RPS6KC1: variants seen among roughly 807,000 people sequenced by gnomAD.
RPS6KC1 encodes ribosomal protein S6 kinase C1.
A neutral mutation model predicts 103.8 loss-of-function variants in RPS6KC1; 54 were observed. The observed-to-expected ratio is 0.52, with a 90% CI of 0.42 to 0.65. The LOEUF is 0.65. Among genes scored for constraint, RPS6KC1 ranks in the 30% least tolerant of loss-of-function variants. RPS6KC1 has a pLI of 0.00. For missense variants in RPS6KC1, 1,151 were observed against 1,253.8 expected, an observed-to-expected ratio of 0.92 and a Z score of 1.24; for synonymous variants, 439 against 438.7, an observed-to-expected ratio of 1.00 and a Z score of -0.01.
At chr1:213,580,745 C>G in the RPS6KC1 span, among the ~76,000 whole-genome samples, 8 of 151,168 alleles carry the variant, frequency 5.3e-5, no homozygotes, top group Non-Finnish European at 1.2e-4. Context: ...TTGGTAAAGG[C>G]TGAGATGATT....
At chr1:213,733,588 A>G in the RPS6KC1 span, among the ~76,000 whole-genome samples, 144 of 140,984 alleles carry the variant, frequency 1.0e-3, 1 homozygote, top group African/African-American at 3.7e-3. Context: ...ACTATTTTGC[A>G]TACTAATTGA....
chr1:213,422,814 A>G, the RPS6KC1 span, among the ~76,000 whole-genome samples: 1 of 152,242 alleles, frequency 6.6e-6, no homozygotes, highest in South Asian at 2.1e-4. Context: ...TACACCTGCA[A>G]GGATTCAACC....
At chr1:213,557,989 C>A in the RPS6KC1 span, among the ~76,000 whole-genome samples, 3 of 152,176 alleles carry the variant, frequency 2.0e-5, no homozygotes, top group Admixed American at 2.0e-4. Flanking sequence ...AGAAGGAAAA[C>A]TTTCTAGAAG....
At chr1:213,244,274 T>C (rs1200968524) in intron 12 of RPS6KC1, among the ~76,000 whole-genome samples, 2 of 152,044 alleles carry the variant, frequency 1.3e-5, no homozygotes, top group African/African-American at 4.8e-5. Context: ...TACTTAGAAA[T>C]ATATTTGTTA....
the RPS6KC1 span, among the ~76,000 whole-genome samples, chr1:213,351,510 A>T: frequency 6.6e-6 from 1 of 152,146 alleles, no homozygotes; most frequent in African/African-American, 2.4e-5. Context: ...AAAAATATAG[A>T]CAGATTCTGT....
the RPS6KC1 span, among the ~76,000 whole-genome samples, chr1:213,729,315 A>C: frequency 6.6e-6 from 1 of 152,214 alleles, no homozygotes; most frequent in African/African-American, 2.4e-5. Flanking sequence ...GTAACCCAGA[A>C]CAAGCATCTC....
the RPS6KC1 span, among the ~76,000 whole-genome samples, chr1:213,314,366 A>T: frequency 1.1e-4 from 17 of 152,170 alleles, no homozygotes; most frequent in African/African-American, 4.1e-4. Flanking sequence ...ATTCAATCAT[A>T]CCCCATCCAC....
the RPS6KC1 span, among the ~76,000 whole-genome samples, chr1:213,748,036 C>T: frequency 3.0e-4 from 45 of 152,212 alleles, no homozygotes; most frequent in South Asian, 6.2e-4. Flanking sequence ...GTATGAGGAG[C>T]CAGGTGGGTT....
chr1:213,456,514 C>A, the RPS6KC1 span, among the ~76,000 whole-genome samples: 1 of 152,128 alleles, frequency 6.6e-6, no homozygotes, highest in East Asian at 1.9e-4. Context: ...GACTGCTGGT[C>A]TTCCTAACTT....
the RPS6KC1 span, among the ~76,000 whole-genome samples, chr1:213,316,322 G>A: frequency 3.3e-5 from 5 of 152,182 alleles, no homozygotes; most frequent in African/African-American, 1.2e-4. Flanking sequence ...AAATTACCCA[G>A]TCTTGGGCAG....
chr1:213,724,268 C>T, the RPS6KC1 span, among the ~76,000 whole-genome samples: 37 of 152,194 alleles, frequency 2.4e-4, no homozygotes, highest in Admixed American at 1.0e-3. Context: ...TCAGTGGAGA[C>T]GGAGTTTCAC....
At chr1:213,607,727 A>ACACACAC in the RPS6KC1 span, among the ~76,000 whole-genome samples, 1 of 150,878 alleles carries the variant, frequency 6.6e-6, no homozygotes, top group Non-Finnish European at 1.5e-5. Context: ...ACACACACAC[A>ACACACAC]AAATAAATAA....
the RPS6KC1 span, among the ~76,000 whole-genome samples, chr1:213,856,038 C>T: frequency 6.6e-6 from 1 of 152,168 alleles, no homozygotes; most frequent in African/African-American, 2.4e-5. Flanking sequence ...GACGAGGGAG[C>T]CTGGCTGTCA....
At chr1:213,609,215 A>G in the RPS6KC1 span, among the ~76,000 whole-genome samples, 1 of 152,214 alleles carries the variant, frequency 6.6e-6, no homozygotes, top group Non-Finnish European at 1.5e-5. Context: ...CCTGCAAACA[A>G]ATTGTTAAAT....
chr1:213,069,007 A>AT (rs1460613364), intron 1 of RPS6KC1, among the ~76,000 whole-genome samples: 1 of 151,796 alleles, frequency 6.6e-6, no homozygotes, highest in Non-Finnish European at 1.5e-5. Flanking sequence ...GCAGTGAGCT[A>AT]TGATCATGCC....
At chr1:213,658,679 C>T in the RPS6KC1 span, among the ~76,000 whole-genome samples, 2 of 152,106 alleles carry the variant, frequency 1.3e-5, no homozygotes, top group East Asian at 3.9e-4. Flanking sequence ...ATAAATCAAA[C>T]GTTATTCTGG....
At chr1:213,182,833 TATC>T (rs1055345847) in intron 8 of RPS6KC1, among the ~76,000 whole-genome samples, 1 of 148,762 alleles carries the variant, frequency 6.7e-6, no homozygotes, top group African/African-American at 2.4e-5. Flanking sequence ...GTTTCTTATA[TATC>T]ATGATTTATA....
intron 1 of RPS6KC1, among the ~76,000 whole-genome samples, chr1:213,057,974 T>C (rs10465694): frequency 0.72 from 107,477 of 150,252 alleles, 39,049 homozygotes; most frequent in African/African-American, 0.83. Flanking sequence ...CACCATGTTG[T>C]CCAGGCTGGT....
chr1:213,203,306 G>GAGCATTTTGGATTTTGC (rs1278306787), intron 8 of RPS6KC1, among the ~76,000 whole-genome samples: 1 of 152,094 alleles, frequency 6.6e-6, no homozygotes, highest in Admixed American at 6.6e-5. Flanking sequence ...TCCGATTTTG[G>GAGCATTTTGGATTTTGC]AGCATTTTGG....
Sources: allele counts gnomAD v4.1 joint callset (sites outside exome capture counted in the v4.1 genomes callset), GRCh38; gene constraint gnomAD v4.1.1; transcripts MANE v1.5; gene names NCBI Gene and HGNC (gene_info 2026-07-23, HGNC 2026-07-21).